Variants in SEM1 observed in about 807,000 individuals in gnomAD.
The protein encoded by SEM1 is 26S proteasome complex subunit SEM1.
A neutral mutation model predicts 12.7 loss-of-function variants in SEM1; 3 were observed. The ratio of observed to expected loss-of-function variants is 0.24; its 90% CI spans 0.11 to 0.61. The LOEUF (loss-of-function observed/expected upper bound fraction) is 0.61, where lower values mean the gene tolerates loss of function less well. SEM1 is among the 20% of genes least tolerant of loss of function. The pLI is 0.88. For synonymous variants in SEM1, 30 were observed against 27.8 expected, an observed-to-expected ratio of 1.08 and a Z score of -0.25; for missense variants, 59 against 81.3, an observed-to-expected ratio of 0.73 and a Z score of 1.06.
At chr7:96,700,066 G>A (rs1211636708) in intron 1 of SEM1, among the ~76,000 whole-genome samples, 1 of 152,160 alleles carries the variant, frequency 6.6e-6, no homozygotes, top group Non-Finnish European at 1.5e-5. Flanking sequence ...AAAGAGCTAT[G>A]AAGACTCAAT....
At chr7:96,615,542 A>G (rs1247987038) in intron 2 of SEM1, among the ~76,000 whole-genome samples, 1 of 152,310 alleles carries the variant, frequency 6.6e-6, no homozygotes, top group South Asian at 2.1e-4. Context: ...GGCATGAGCC[A>G]CCACACCCAG....
intron 1 of SEM1, among the ~76,000 whole-genome samples, chr7:96,703,972 A>ACACACAC (rs1554437189): frequency 3.0e-4 from 43 of 142,180 alleles, no homozygotes; most frequent in African/African-American, 1.1e-3. Flanking sequence ...GTCTCTTAAA[A>ACACACAC]ACACACACAC....
intron 1 of SEM1, among the ~76,000 whole-genome samples, chr7:96,493,442 C>T (rs1212076645): frequency 6.6e-6 from 1 of 152,006 alleles, no homozygotes; most frequent in African/African-American, 2.4e-5. Flanking sequence ...TACCAGTGCC[C>T]TTCTCCTATA....
chr7:96,641,140 C>G (rs1287581396), intron 2 of SEM1, among the ~76,000 whole-genome samples: 1 of 148,852 alleles, frequency 6.7e-6, no homozygotes, highest in African/African-American at 2.5e-5. Flanking sequence ...AAATAGGGAG[C>G]CGAAAAAAAA....
At chr7:96,584,614 C>A (rs11975411) in intron 2 of SEM1, among the ~76,000 whole-genome samples, 47 of 147,860 alleles carry the variant, frequency 3.2e-4, no homozygotes, top group Non-Finnish European at 1.2e-4. Flanking sequence ...CCAATCAGAC[C>A]TAGATTTGGT....
chr7:96,561,902 A>G (rs1805699818), intron 2 of SEM1, among the ~76,000 whole-genome samples: 1 of 152,162 alleles, frequency 6.6e-6, no homozygotes, highest in South Asian at 2.1e-4. Context: ...AACTATTATT[A>G]TATATCTAGA....
intron 2 of SEM1, among the ~76,000 whole-genome samples, chr7:96,629,088 T>G (rs534312924): frequency 6.6e-6 from 1 of 152,310 alleles, no homozygotes; most frequent in South Asian, 2.1e-4. Context: ...TCCTTGACCT[T>G]TGGGAGTTTG....
At chr7:96,703,514 T>A (rs921148526) in intron 1 of SEM1, among the ~76,000 whole-genome samples, 5 of 152,270 alleles carry the variant, frequency 3.3e-5, no homozygotes, top group Admixed American at 6.5e-5. Context: ...AATTCTTCTC[T>A]AGGAGTTTAT....
chr7:96,700,365 TATG>T (rs1790233051), intron 1 of SEM1, among the ~76,000 whole-genome samples: 1 of 152,108 alleles, frequency 6.6e-6, no homozygotes, highest in Non-Finnish European at 1.5e-5. Context: ...TTTAAATACT[TATG>T]AAGAAGAGTA....
intron 1 of SEM1, among the ~76,000 whole-genome samples, chr7:96,703,553 T>C (rs1322916079): frequency 6.6e-6 from 1 of 152,030 alleles, no homozygotes; most frequent in Non-Finnish European, 1.5e-5. Context: ...CACAAAAAGA[T>C]GTAAACATAT....
intron 2 of SEM1, among the ~76,000 whole-genome samples, chr7:96,654,598 T>C (rs374356738): frequency 6.6e-6 from 1 of 152,174 alleles, no homozygotes. Context: ...TACCAGTGAG[T>C]TGCCAGATAA....
intron 2 of SEM1, among the ~76,000 whole-genome samples, chr7:96,682,648 C>G (rs1789648296): frequency 6.6e-6 from 1 of 151,962 alleles, no homozygotes; most frequent in African/African-American, 2.4e-5. Context: ...AAAGAAATGG[C>G]AACAAAAGCC....
At chr7:96,653,756 G>A (rs957240167) in intron 2 of SEM1, 6 of 152,098 alleles carry the variant, frequency 3.9e-5, no homozygotes, top group African/African-American at 1.4e-4. Flanking sequence ...TAATCTTCCC[G>A]AAGTCAGCTT....
chr7:96,648,029 G>GTA (rs1808856550), intron 2 of SEM1, among the ~76,000 whole-genome samples: 1 of 152,134 alleles, frequency 6.6e-6, no homozygotes, highest in African/African-American at 2.4e-5. Flanking sequence ...AGGATCTTAA[G>GTA]TGTAATGTTG....
intron 2 of SEM1, among the ~76,000 whole-genome samples, chr7:96,486,020 A>T (rs981027411): frequency 6.6e-6 from 1 of 152,174 alleles, no homozygotes; most frequent in Non-Finnish European, 1.5e-5. Context: ...ACTTTATTCT[A>T]AAAATCATTA....
chr7:96,494,033 A>G (rs1419645289), intron 1 of SEM1, among the ~76,000 whole-genome samples: 1 of 152,208 alleles, frequency 6.6e-6, no homozygotes, highest in African/African-American at 2.4e-5. Context: ...GAAATAAGAC[A>G]GAGTAACAGG....
intron 1 of SEM1, among the ~76,000 whole-genome samples, chr7:96,492,500 C>G (rs1206865838): frequency 6.6e-6 from 1 of 151,964 alleles, no homozygotes; most frequent in Non-Finnish European, 1.5e-5. Flanking sequence ...GCCTTGACCT[C>G]CCAGGCCCAA....
At chr7:96,577,797 A>T (rs1348432840) in intron 2 of SEM1, among the ~76,000 whole-genome samples, 1 of 152,070 alleles carries the variant, frequency 6.6e-6, no homozygotes, top group Non-Finnish European at 1.5e-5. Flanking sequence ...TGAGATCAAA[A>T]TTTAAACTAT....
At chr7:96,562,043 T>C (rs958907989) in intron 2 of SEM1, among the ~76,000 whole-genome samples, 38 of 152,354 alleles carry the variant, frequency 2.5e-4, no homozygotes, top group African/African-American at 8.7e-4. Flanking sequence ...ATTCTAGGTC[T>C]GGTAATGATC....
Sources: gnomAD v4.1 joint callset for allele counts (sites outside exome capture counted in the v4.1 genomes callset) on GRCh38, gnomAD v4.1.1 for gene constraint, MANE v1.5 for transcripts, NCBI Gene and HGNC (gene_info 2026-07-23, HGNC 2026-07-21) for gene names.